The following TWSG1 variants were observed in gnomAD, a reference collection of about 807,000 sequenced individuals.
TWSG1 encodes twisted gastrulation BMP signaling modulator 1.
In TWSG1, 15 loss-of-function variants were observed where a neutral mutation model predicts 23.0. That is an observed-to-expected ratio of 0.65 (90% confidence interval 0.44 to 1.00). The LOEUF (loss-of-function observed/expected upper bound fraction) is 1.00. Among genes scored for constraint, TWSG1 ranks in the 50% least tolerant of loss-of-function variants. The probability of loss-of-function intolerance (pLI) is 0.00; values close to 1 mark genes in which losing one functional copy is unlikely to be tolerated. For missense variants in TWSG1, 242 were observed against 278.7 expected (o/e 0.87, Z 0.94); for synonymous variants, 86 against 92.8 (o/e 0.93, Z 0.42).
intron 3 of TWSG1, among the ~76,000 whole-genome samples, chr18:9,375,920 CT>C (rs535999368): frequency 2.1e-4 from 31 of 148,518 alleles, no homozygotes; most frequent in Admixed American, 4.1e-4. Context: ...CATCTATAGA[CT>C]TTTTTTTTTT....
intron 3 of TWSG1, among the ~76,000 whole-genome samples, chr18:9,373,377 T>A (rs1341580948): frequency 6.7e-6 from 1 of 150,332 alleles, no homozygotes; most frequent in East Asian, 1.9e-4. Context: ...AAAAAAAAAA[T>A]ACAAAAATTA....
intron 3 of TWSG1, among the ~76,000 whole-genome samples, chr18:9,370,587 C>A (rs567060866): frequency 2.0e-5 from 3 of 152,142 alleles, no homozygotes; most frequent in South Asian, 2.1e-4. Context: ...ACACCGAAGA[C>A]TAGAGTCATT....
chr18:9,370,001 T>A (rs1168749606), intron 3 of TWSG1, among the ~76,000 whole-genome samples: 2 of 152,172 alleles, frequency 1.3e-5, no homozygotes, highest in African/African-American at 2.4e-5. Flanking sequence ...TTTTGTTCCC[T>A]GTGCTTTTGG....
At chr18:9,371,802 C>T (rs1179012324) in intron 3 of TWSG1, among the ~76,000 whole-genome samples, 54 of 135,042 alleles carry the variant, frequency 4.0e-4, no homozygotes, top group East Asian at 2.6e-3. Flanking sequence ...GACAGAGTCT[C>T]GCACTGTCGC....
chr18:9,352,959 C>G (rs1034455192), intron 2 of TWSG1, among the ~76,000 whole-genome samples: 1 of 152,206 alleles, frequency 6.6e-6, no homozygotes. Flanking sequence ...CAATGGCAGA[C>G]AACATATATG....
chr18:9,371,961 T>G (rs1206753996), intron 3 of TWSG1, among the ~76,000 whole-genome samples: 1 of 151,520 alleles, frequency 6.6e-6, no homozygotes, highest in Non-Finnish European at 1.5e-5. Flanking sequence ...GAGACAGGGA[T>G]TCACTGTGTT....
chr18:9,364,648 G>A (rs910214985), intron 3 of TWSG1, among the ~76,000 whole-genome samples: 2 of 152,014 alleles, frequency 1.3e-5, no homozygotes, highest in African/African-American at 4.8e-5. Context: ...ACAAAAATTA[G>A]CCAGGTGTGG....
intron 3 of TWSG1, among the ~76,000 whole-genome samples, chr18:9,376,820 A>AAAC (rs1363547402): frequency 6.7e-6 from 1 of 148,332 alleles, no homozygotes; most frequent in African/African-American, 2.5e-5. Context: ...TGACAGAGCA[A>AAAC]AACCCTGTCT....
chr18:9,349,821 T>C (rs1261224108), intron 2 of TWSG1, among the ~76,000 whole-genome samples: 1 of 152,202 alleles, frequency 6.6e-6, no homozygotes, highest in Admixed American at 6.5e-5. Flanking sequence ...TTCTTTCCTC[T>C]TCATCCCATT....
intron 2 of TWSG1, among the ~76,000 whole-genome samples, chr18:9,343,210 T>TATA (rs2040454271): frequency 7.6e-6 from 1 of 132,120 alleles, no homozygotes; most frequent in African/African-American, 2.9e-5. Context: ...TTGTTTTTTG[T>TATA]TATATATATA....
At chr18:9,350,455 T>C (rs2040497409) in intron 2 of TWSG1, among the ~76,000 whole-genome samples, 1 of 152,198 alleles carries the variant, frequency 6.6e-6, no homozygotes, top group Admixed American at 6.5e-5. Flanking sequence ...CCCCCCCATT[T>C]ACCCATTACT....
intron 3 of TWSG1, among the ~76,000 whole-genome samples, chr18:9,382,483 AC>A (rs2040661955): frequency 6.6e-6 from 1 of 151,904 alleles, no homozygotes; most frequent in Admixed American, 6.6e-5. Flanking sequence ...ATATCGGGCC[AC>A]TGCACTCCAG....
intron 3 of TWSG1, among the ~76,000 whole-genome samples, chr18:9,363,957 A>G (rs962091790): frequency 6.6e-6 from 1 of 152,190 alleles, no homozygotes; most frequent in Non-Finnish European, 1.5e-5. Flanking sequence ...ATATCGTCTA[A>G]TACCACTCAG....
At chr18:9,382,547 C>T (rs1181707177) in intron 3 of TWSG1, among the ~76,000 whole-genome samples, 2 of 150,212 alleles carry the variant, frequency 1.3e-5, no homozygotes, top group Non-Finnish European at 3.0e-5. Context: ...GGTGCGGTGG[C>T]TCACACCTAT....
chr18:9,378,240 A>G (rs541906785), intron 3 of TWSG1, among the ~76,000 whole-genome samples: 8 of 152,336 alleles, frequency 5.3e-5, no homozygotes, highest in Non-Finnish European at 8.8e-5. Flanking sequence ...CTCCTATTCA[A>G]TATAGTATTG....
rs184326309 is a variant in TWSG1 at position 9,354,734 on chromosome 18, C to T, written c.124-5238C>T. 2.0e-5 allele frequency among the ~76,000 whole-genome samples: 3 copies of T among 152,084 alleles called. No individual in the cohort carries two copies. In the East Asian group the frequency reaches 5.8e-4, roughly 29 times the overall value. ...ATAGAGAAATGCTATTTTTTTAGAT[C>T]AAGGTAGTATATAATCATTATTTTG... On this transcript the variant is annotated intron_variant, in intron 2 of 4. Coordinates refer to ENST00000262120, the MANE Select transcript of TWSG1 (RefSeq NM_020648.6).
intron 2 of TWSG1, among the ~76,000 whole-genome samples, chr18:9,357,017 T>C (rs1248726819): frequency 6.7e-6 from 1 of 149,568 alleles, no homozygotes; most frequent in Non-Finnish European, 1.5e-5. Context: ...TATCTGATGG[T>C]GTTTCTAAAA....
chr18:9,365,899 G>GAA (rs2040576515), intron 3 of TWSG1, among the ~76,000 whole-genome samples: 1 of 151,698 alleles, frequency 6.6e-6, no homozygotes, highest in African/African-American at 2.4e-5. Flanking sequence ...CTAGCTACTT[G>GAA]GAGGGCTGAG....
intron 3 of TWSG1, among the ~76,000 whole-genome samples, chr18:9,360,654 C>T (rs1009475047): frequency 6.6e-6 from 1 of 152,144 alleles, no homozygotes; most frequent in African/African-American, 2.4e-5. Context: ...ATTGCATGCT[C>T]CTATAATTGT....
Sources: gnomAD v4.1 joint callset for allele counts (sites outside exome capture counted in the v4.1 genomes callset) on GRCh38, gnomAD v4.1.1 for gene constraint, MANE v1.5 for transcripts, NCBI Gene and HGNC (gene_info 2026-07-23, HGNC 2026-07-21) for gene names.